Variants in CERS6 observed in about 807,000 individuals in gnomAD.
The protein encoded by CERS6 is ceramide synthase 6, also known as LAG1 homolog, ceramide synthase 6.
Under a neutral mutation model 56.8 loss-of-function variants are expected in CERS6, and 26 were observed. The observed-to-expected ratio is 0.46, with a 90% confidence interval of 0.34 to 0.63. The LOEUF (loss-of-function observed/expected upper bound fraction) is 0.63, where lower values mean the gene tolerates loss of function less well. Among genes scored for constraint, CERS6 ranks in the 30% least tolerant of loss-of-function variants. CERS6 has a pLI of 0.01. For synonymous variants in CERS6, 164 were observed against 173.3 expected, an observed-to-expected ratio of 0.95 and a Z score of 0.42; for missense variants, 415 against 467.5, an observed-to-expected ratio of 0.89 and a Z score of 1.04.
chr2:168,678,146 G>T (rs1686112709), intron 4 of CERS6, among the ~76,000 whole-genome samples: 1 of 152,182 alleles, frequency 6.6e-6, no homozygotes, highest in African/African-American at 2.4e-5. Flanking sequence ...CAGCACCATT[G>T]CTTTTTTACC....
intron 4 of CERS6, among the ~76,000 whole-genome samples, chr2:168,641,594 C>T (rs185553547): frequency 6.6e-6 from 1 of 152,282 alleles, no homozygotes; most frequent in Admixed American, 6.5e-5. Context: ...CCATTGAACA[C>T]CTATAATGTT....
chr2:168,619,709 C>A (rs765180922), intron 3 of CERS6, among the ~76,000 whole-genome samples: 10 of 151,884 alleles, frequency 6.6e-5, no homozygotes, highest in Non-Finnish European at 1.3e-4. Flanking sequence ...AAGTAATAGA[C>A]GTTGAGATGG....
At chr2:168,506,687 A>G (rs538618063) in intron 1 of CERS6, among the ~76,000 whole-genome samples, 2 of 152,272 alleles carry the variant, frequency 1.3e-5, no homozygotes, top group South Asian at 4.1e-4. Context: ...TCTTCATTCA[A>G]ACTTCTCAGT....
intron 5 of CERS6, among the ~76,000 whole-genome samples, chr2:168,692,082 C>T (rs574434807): frequency 2.0e-5 from 3 of 152,242 alleles, no homozygotes; most frequent in South Asian, 4.2e-4. Context: ...AATTGGAATT[C>T]CAATTGGCAT....
chr2:168,709,604 A>G (rs1241001196), intron 6 of CERS6, among the ~76,000 whole-genome samples: 1 of 152,182 alleles, frequency 6.6e-6, no homozygotes, highest in African/African-American at 2.4e-5. Context: ...GTCTGTTATG[A>G]ATAAAGGCTT....
At chr2:168,554,625 G>A (rs1230700908) in intron 2 of CERS6, among the ~76,000 whole-genome samples, 1 of 152,114 alleles carries the variant, frequency 6.6e-6, no homozygotes, top group Non-Finnish European at 1.5e-5. Flanking sequence ...ACCTTCATCT[G>A]GGACTTAACA....
chr2:168,680,006 T>C (rs1283593725), intron 4 of CERS6, among the ~76,000 whole-genome samples: 3 of 152,156 alleles, frequency 2.0e-5, no homozygotes, highest in Non-Finnish European at 4.4e-5. Flanking sequence ...ACTTCTTAAA[T>C]ATTGGAAGTA....
rs761901891 is a variant in CERS6, at chr2:168,717,965, A to G, written c.832A>G (p.Ile278Val). 2 of 1,611,076 alleles carry G rather than the reference A, an allele frequency of 1.2e-6. No homozygotes were observed. The highest frequency in any genetic ancestry group is 2.2e-5 in the East Asian group (1 of 44,840). ...GGTTTTTATCACCACACGACTGGGT[A>G]TATTTCCTCTCTGGTGAGTATGCCA... Reference protein sequence around the residue: ...AVVFITTRLGIFPLWVLNTTL... With the variant: ...AVVFITTRLGVFPLWVLNTTL... Residue 278 changes from isoleucine (I) to valine (V), a missense_variant, in exon 8 of 10, where the codon ATA becomes GTA. Physicochemically the swap from Ile to Val is conservative, Grantham distance 29. Coordinates refer to ENST00000305747, the MANE Select transcript of CERS6 (RefSeq NM_203463.3).
intron 3 of CERS6, among the ~76,000 whole-genome samples, chr2:168,597,374 A>G (rs73024515): frequency 0.039 from 5,970 of 152,194 alleles, 413 homozygotes; most frequent in African/African-American, 0.13. Flanking sequence ...TCCCCTGCAC[A>G]CTCTCATTCC....
intron 4 of CERS6, among the ~76,000 whole-genome samples, chr2:168,688,580 G>T (rs1686417093): frequency 6.6e-6 from 1 of 152,104 alleles, no homozygotes; most frequent in Admixed American, 6.6e-5. Flanking sequence ...TGTTTGGGGG[G>T]TATAACTTAA....
In CERS6 at chr2:168,671,564, A is replaced by G. The variant is rs1415546609; in HGVS notation, c.466-19470A>G. ...AGGCACAAAATTACAGTGAATCGTG[A>G]GTCTCATTATAAAACAGTTTGATAT... On this transcript the variant is annotated intron_variant, in intron 4 of 9. Coordinates refer to ENST00000305747, the MANE Select transcript of CERS6 (RefSeq NM_203463.3). 3.9e-5 allele frequency among the ~76,000 whole-genome samples: 6 copies of G among 152,166 alleles called. No homozygotes were observed. In the East Asian group the frequency reaches 1.2e-3, roughly 29 times the overall value.
At chr2:168,621,293 A>G (rs374712717) in intron 3 of CERS6, among the ~76,000 whole-genome samples, 1 of 152,242 alleles carries the variant, frequency 6.6e-6, no homozygotes, top group African/African-American at 2.4e-5. Context: ...TTCCGAAGTC[A>G]TATTGACTGA....
At chr2:168,501,716 T>C (rs1334591405) in intron 1 of CERS6, among the ~76,000 whole-genome samples, 3 of 152,192 alleles carry the variant, frequency 2.0e-5, no homozygotes, top group Non-Finnish European at 4.4e-5. Context: ...ATCAATCTGC[T>C]CAACTAGCCC....
intron 8 of CERS6, among the ~76,000 whole-genome samples, chr2:168,761,016 C>A (rs1037591094): frequency 6.6e-6 from 1 of 152,172 alleles, no homozygotes; most frequent in Non-Finnish European, 1.5e-5. Context: ...CTCGGCCTCC[C>A]AAAGTGCTGG....
intron 8 of CERS6, among the ~76,000 whole-genome samples, chr2:168,728,787 C>T (rs1003863539): frequency 2.0e-5 from 3 of 151,558 alleles, no homozygotes; most frequent in Non-Finnish European, 4.4e-5. Context: ...GGGCAGACTA[C>T]CTGAGGTCAG....
chr2:168,486,961 AT>A (rs1007921176), intron 1 of CERS6, among the ~76,000 whole-genome samples: 2 of 151,550 alleles, frequency 1.3e-5, no homozygotes, highest in East Asian at 1.9e-4. Context: ...CCACTTAATG[AT>A]TTTTTTTTCA....
At chr2:168,563,553 T>G (rs1558999772) in intron 3 of CERS6, among the ~76,000 whole-genome samples, 1 of 152,136 alleles carries the variant, frequency 6.6e-6, no homozygotes, top group Non-Finnish European at 1.5e-5. Flanking sequence ...ATCCCAGCAC[T>G]TTTGGAGGCC....
rs556269425 is a variant in CERS6 at position 168,658,532 on chromosome 2, A to G, written c.465+27490A>G. On this transcript the variant is annotated intron_variant, in intron 4 of 9. Transcript: ENST00000305747. ...TGCCAAGGCATGGGAGTCTGCACCTAGCCAGCAAAGACCATAGTCATCCCC... is the reference window on the plus strand; with the variant it reads ...TGCCAAGGCATGGGAGTCTGCACCTGGCCAGCAAAGACCATAGTCATCCCC... Among the ~76,000 whole-genome samples, 204 of 152,360 alleles carry G rather than the reference A, an allele frequency of 1.3e-3. 2 individuals carry two copies. The highest frequency in any genetic ancestry group is 4.6e-3 in the African/African-American group (192 of 41,580).
At chr2:168,708,811 T>G (rs960725366) in intron 6 of CERS6, among the ~76,000 whole-genome samples, 1 of 152,140 alleles carries the variant, frequency 6.6e-6, no homozygotes, top group Non-Finnish European at 1.5e-5. Flanking sequence ...TCACTAATGT[T>G]TTTCTTAATC....
Sources: gnomAD v4.1 joint callset for allele counts (sites outside exome capture counted in the v4.1 genomes callset) on GRCh38, gnomAD v4.1.1 for gene constraint, MANE v1.5 for transcripts, NCBI Gene and HGNC (gene_info 2026-07-23, HGNC 2026-07-21) for gene names.